The following KIAA1217 variants were observed in gnomAD, a reference collection of about 807,000 sequenced individuals.
The protein encoded by KIAA1217 is sickle tail protein homolog.
KIAA1217 carries 88 observed loss-of-function variants against 163.9 expected under a neutral mutation model. The ratio of observed to expected loss-of-function variants is 0.54; its 90% CI spans 0.45 to 0.64. The LOEUF is 0.64. Ranked by LOEUF, KIAA1217 falls within the 30% of genes least tolerant of loss-of-function variation. The pLI, the probability that KIAA1217 is intolerant of heterozygous loss-of-function variation, is 0.00. For synonymous variants in KIAA1217, 903 were observed against 923.1 expected (o/e 0.98, Z 0.39); for missense variants, 2,372 against 2,475.0 (o/e 0.96, Z 0.88).
chr10:23,784,117 G>T (rs1286582926), intron 1 of KIAA1217, among the ~76,000 whole-genome samples: 1 of 151,874 alleles, frequency 6.6e-6, no homozygotes, highest in African/African-American at 2.4e-5. Context: ...GTGCTCTGGG[G>T]TTGGATTCAT....
intron 1 of KIAA1217, among the ~76,000 whole-genome samples, chr10:23,713,805 C>T (rs1289921003): frequency 6.6e-6 from 1 of 152,060 alleles, no homozygotes; most frequent in Non-Finnish European, 1.5e-5. Flanking sequence ...TTACTGTATG[C>T]CCCAGCAAAA....
intron 2 of KIAA1217, among the ~76,000 whole-genome samples, chr10:24,058,970 GAA>G (rs138508166): frequency 0.017 from 2,567 of 152,170 alleles, 43 homozygotes; most frequent in Middle Eastern, 0.054. Flanking sequence ...GATCTTAGAA[GAA>G]AAGTTTTCAA....
chr10:24,294,028 A>C (rs1221944688), intron 2 of KIAA1217, among the ~76,000 whole-genome samples: 5 of 151,826 alleles, frequency 3.3e-5, no homozygotes, highest in East Asian at 1.9e-4. Context: ...ACCGTCTCTA[A>C]TAAAAATAGA....
chr10:24,244,529 G>T (rs2073514283), intron 2 of KIAA1217, among the ~76,000 whole-genome samples: 1 of 151,138 alleles, frequency 6.6e-6, no homozygotes, highest in Admixed American at 6.6e-5. Context: ...TCATCCTTGG[G>T]CATTAATTGG....
intron 2 of KIAA1217, among the ~76,000 whole-genome samples, chr10:24,195,240 C>A (rs1488035224): frequency 6.6e-6 from 1 of 152,174 alleles, no homozygotes; most frequent in Admixed American, 6.5e-5. Flanking sequence ...CTGTCCAGTC[C>A]CATGGAAACT....
intron 2 of KIAA1217, among the ~76,000 whole-genome samples, chr10:24,120,368 C>A (rs2063234918): frequency 2.0e-5 from 3 of 152,120 alleles, no homozygotes; most frequent in Admixed American, 2.0e-4. Context: ...AATCTGAGAA[C>A]AGTGAAAAAT....
chr10:24,434,430 T>C (rs544481498), intron 4 of KIAA1217, among the ~76,000 whole-genome samples: 2 of 152,296 alleles, frequency 1.3e-5, no homozygotes, highest in African/African-American at 4.8e-5. Flanking sequence ...CTCGACCTTC[T>C]GGGCTCAAAT....
chr10:24,417,279 T>C (rs562875005), intron 3 of KIAA1217, among the ~76,000 whole-genome samples: 10 of 152,282 alleles, frequency 6.6e-5, no homozygotes, highest in African/African-American at 2.2e-4. Context: ...GCTGAGAGCC[T>C]GCCTCACCCT....
At chr10:24,321,473 C>T (rs1356041058) in intron 2 of KIAA1217, among the ~76,000 whole-genome samples, 1 of 152,006 alleles carries the variant, frequency 6.6e-6, no homozygotes, top group African/African-American at 2.4e-5. Flanking sequence ...GCAGAGGTTG[C>T]AGTGAGCCAA....
At chr10:24,275,899 G>A (rs997191940) in intron 2 of KIAA1217, 15 of 430,830 alleles carry the variant, frequency 3.5e-5, no homozygotes, top group South Asian at 2.8e-4. Context: ...CTCCCTTCTG[G>A]TCCTGATATT....
At chr10:23,983,751 A>T (rs1293157720) in intron 1 of KIAA1217, among the ~76,000 whole-genome samples, 1 of 152,138 alleles carries the variant, frequency 6.6e-6, no homozygotes, top group Non-Finnish European at 1.5e-5. Context: ...TCACCCTGTG[A>T]CCCACATGCA....
chr10:23,934,706 C>T (rs1266124677), intron 1 of KIAA1217, among the ~76,000 whole-genome samples: 1 of 147,644 alleles, frequency 6.8e-6, no homozygotes, highest in African/African-American at 2.5e-5. Flanking sequence ...CAAGCTCTGT[C>T]TCCCGGGTTC....
chr10:24,048,503 G>A (rs1849215894), intron 2 of KIAA1217, among the ~76,000 whole-genome samples: 2 of 152,142 alleles, frequency 1.3e-5, no homozygotes, highest in Admixed American at 1.3e-4. Context: ...GGCCAAGGCG[G>A]GTGGATTACT....
chr10:24,193,438 T>G (rs1351326039), intron 2 of KIAA1217, among the ~76,000 whole-genome samples: 1 of 152,230 alleles, frequency 6.6e-6, no homozygotes, highest in Non-Finnish European at 1.5e-5. Flanking sequence ...AATGTAGCCC[T>G]GTGTAGACAA....
chr10:24,501,171 C>T (rs2067536880), intron 8 of KIAA1217, among the ~76,000 whole-genome samples: 1 of 152,128 alleles, frequency 6.6e-6, no homozygotes, highest in South Asian at 2.1e-4. Context: ...TGTGGCCTGT[C>T]TTCCTATGGC....
chr10:24,385,589 G>A (rs2053893350), intron 3 of KIAA1217, among the ~76,000 whole-genome samples: 1 of 152,098 alleles, frequency 6.6e-6, no homozygotes, highest in Admixed American at 6.5e-5. Context: ...GAAATTGATG[G>A]GTTCAGCAGC....
chr10:23,769,817 T>C (rs781590558), intron 1 of KIAA1217, among the ~76,000 whole-genome samples: 1 of 152,182 alleles, frequency 6.6e-6, no homozygotes, highest in Non-Finnish European at 1.5e-5. Flanking sequence ...AGGAGTAGGA[T>C]TGATTGCTAC....
At chr10:23,850,146 C>A (rs769469871) in intron 1 of KIAA1217, among the ~76,000 whole-genome samples, 4 of 151,964 alleles carry the variant, frequency 2.6e-5, no homozygotes, top group African/African-American at 9.7e-5. Context: ...AAAGAACAAC[C>A]CACAGGTGCC....
intron 2 of KIAA1217, among the ~76,000 whole-genome samples, chr10:24,349,338 C>G (rs760933847): frequency 6.6e-6 from 1 of 152,164 alleles, no homozygotes; most frequent in African/African-American, 2.4e-5. Context: ...GCTTTGATCC[C>G]CTAACATCTG....
Sources: allele counts gnomAD v4.1 joint callset (sites outside exome capture counted in the v4.1 genomes callset), GRCh38; gene constraint gnomAD v4.1.1; transcripts MANE v1.5; gene names NCBI Gene and HGNC (gene_info 2026-07-23, HGNC 2026-07-21).